Variants in UBE2D2 observed in about 807,000 individuals in gnomAD.
The protein encoded by UBE2D2 is ubiquitin-conjugating enzyme E2 D2.
Under a neutral mutation model 24.2 loss-of-function variants are expected in UBE2D2, and 2 were observed. That is an observed-to-expected ratio of 0.08 (90% CI 0.03 to 0.26). The LOEUF is 0.26. UBE2D2 is among the 10% of genes least tolerant of loss of function. The pLI is 1.00. For missense variants in UBE2D2, 44 were observed against 177.6 expected, an observed-to-expected ratio of 0.25 and a Z score of 4.28; for synonymous variants, 58 against 56.5, an observed-to-expected ratio of 1.03 and a Z score of -0.12.
intron 5 of UBE2D2, among the ~76,000 whole-genome samples, chr5:139,618,345 TA>T (rs1173301058): frequency 6.6e-6 from 1 of 152,164 alleles, no homozygotes; most frequent in African/African-American, 2.4e-5. Context: ...CAGGCAGAAA[TA>T]AAAACAGGAT....
At chr5:139,588,255 TTTTTGTTTTG>T (rs543515170) in intron 1 of UBE2D2, among the ~76,000 whole-genome samples, 6 of 151,740 alleles carry the variant, frequency 4.0e-5, no homozygotes, top group South Asian at 2.1e-4. Flanking sequence ...AGCGTTTTTT[TTTTTGTTTTG>T]TTTTGTTTTG....
chr5:139,562,705 CT>C (rs1753137582), intron 1 of UBE2D2, among the ~76,000 whole-genome samples: 1 of 152,116 alleles, frequency 6.6e-6, no homozygotes, highest in Non-Finnish European at 1.5e-5. Context: ...TTTCTTTGCT[CT>C]TTAAAGTGAA....
chr5:139,529,983 C>T (rs1331579439), intron 1 of UBE2D2, among the ~76,000 whole-genome samples: 2 of 152,124 alleles, frequency 1.3e-5, no homozygotes, highest in Admixed American at 1.3e-4. Context: ...GAATTCCCAG[C>T]CCAAAAGAAC....
chr5:139,535,306 A>AAG (rs1752654204), intron 1 of UBE2D2, among the ~76,000 whole-genome samples: 1 of 150,984 alleles, frequency 6.6e-6, no homozygotes, highest in Non-Finnish European at 1.5e-5. Flanking sequence ...AAAAAAAAAA[A>AAG]AGAGACTTGC....
intron 2 of UBE2D2, among the ~76,000 whole-genome samples, chr5:139,606,307 A>T (rs1323554702): frequency 2.0e-5 from 3 of 151,860 alleles, no homozygotes; most frequent in Non-Finnish European, 4.4e-5. Context: ...GATTACAGGC[A>T]TGCACCACCA....
At chr5:139,573,991 A>G (rs1311227504) in intron 1 of UBE2D2, among the ~76,000 whole-genome samples, 1 of 151,894 alleles carries the variant, frequency 6.6e-6, no homozygotes, top group African/African-American at 2.4e-5. Flanking sequence ...TAAATAAATA[A>G]TAAAAAATGT....
At chr5:139,556,538 T>C (rs79169656), upstream of UBE2D2, among the ~76,000 whole-genome samples, 70 of 152,268 alleles carry the variant, frequency 4.6e-4, 1 homozygote, top group East Asian at 0.012. Flanking sequence ...GACAAAATTT[T>C]GTTCTTTAGG....
At chr5:139,558,996 T>G (rs1375158214), upstream of UBE2D2, among the ~76,000 whole-genome samples, 2 of 152,054 alleles carry the variant, frequency 1.3e-5, no homozygotes, top group East Asian at 3.9e-4. Context: ...AGAGATGAAG[T>G]CTCTATATTG....
chr5:139,536,565 C>T (rs1262101656), intron 1 of UBE2D2, among the ~76,000 whole-genome samples: 1 of 151,960 alleles, frequency 6.6e-6, no homozygotes, highest in African/African-American at 2.4e-5. Context: ...CCTGTTGTCC[C>T]GGATGGTCTG....
intron 5 of UBE2D2, among the ~76,000 whole-genome samples, chr5:139,620,716 T>C (rs1314240394): frequency 6.6e-6 from 1 of 152,226 alleles, no homozygotes; most frequent in Non-Finnish European, 1.5e-5. Flanking sequence ...CTCTATAGGA[T>C]AGATTTGGTA....
chr5:139,588,027 C>A (rs773078755), intron 1 of UBE2D2, among the ~76,000 whole-genome samples: 1 of 152,172 alleles, frequency 6.6e-6, no homozygotes, highest in Admixed American at 6.6e-5. Context: ...AGTCCTGTCT[C>A]TCCATAGCTC....
At chr5:139,537,830 G>C (rs993269437) in intron 1 of UBE2D2, among the ~76,000 whole-genome samples, 1 of 151,730 alleles carries the variant, frequency 6.6e-6, no homozygotes, top group Non-Finnish European at 1.5e-5. Context: ...TGGGCGTGTT[G>C]GTGGGCACCT....
chr5:139,622,055 C>T (rs990792678), intron 5 of UBE2D2, among the ~76,000 whole-genome samples: 4 of 152,192 alleles, frequency 2.6e-5, no homozygotes, highest in South Asian at 2.1e-4. Flanking sequence ...ACATTGAACA[C>T]GTCACTGCAC....
chr5:139,539,783 TGTTGG>T (rs2126631538), intron 1 of UBE2D2, among the ~76,000 whole-genome samples: 1 of 150,250 alleles, frequency 6.7e-6, no homozygotes, highest in Non-Finnish European at 1.5e-5. Flanking sequence ...GTAGATATCG[TGTTGG>T]GTTTCGCCAT....
In UBE2D2 at chr5:139,614,780, T is replaced by G; in HGVS notation, c.198+6T>G. The stretch of plus-strand genomic sequence containing the variant: ...ACCCCTTCAAACCACCTAAGGTAAT[T>G]AATTGGAATGTGGCAGTTTTTAATG... On this transcript the variant is annotated splice_donor_region_variant and intron_variant, in intron 4 of 6. Transcript: ENST00000398733. 6.2e-7 allele frequency: 1 copy of G among 1,613,574 alleles called. No individual in the cohort carries two copies. The highest frequency in any genetic ancestry group is 8.5e-7 in the Non-Finnish European group (1 of 1,179,618).
chr5:139,581,039 C>T (rs190230938), intron 1 of UBE2D2, among the ~76,000 whole-genome samples: 3 of 152,214 alleles, frequency 2.0e-5, no homozygotes, highest in Admixed American at 2.0e-4. Context: ...GGGAAGGTCT[C>T]TAAGGGCAAT....
At chr5:139,615,992 C>T (rs1048448710) in intron 5 of UBE2D2, among the ~76,000 whole-genome samples, 5 of 150,988 alleles carry the variant, frequency 3.3e-5, no homozygotes, top group African/African-American at 9.7e-5. Context: ...CCCGCCACCA[C>T]GCCTAGCTAA....
chr5:139,576,625 C>G (rs1753476436), intron 1 of UBE2D2, among the ~76,000 whole-genome samples: 2 of 152,022 alleles, frequency 1.3e-5, no homozygotes, highest in African/African-American at 4.8e-5. Flanking sequence ...CCTCAGCCTT[C>G]CAAAGTGCTG....
intron 1 of UBE2D2, among the ~76,000 whole-genome samples, chr5:139,563,728 C>A (rs1052405836): frequency 6.6e-6 from 1 of 151,988 alleles, no homozygotes; most frequent in Non-Finnish European, 1.5e-5. Flanking sequence ...ATCAGGAGAT[C>A]GAGGCCATCC....
Sources: allele counts gnomAD v4.1 joint callset (sites outside exome capture counted in the v4.1 genomes callset), GRCh38; gene constraint gnomAD v4.1.1; transcripts MANE v1.5; gene names NCBI Gene and HGNC (gene_info 2026-07-23, HGNC 2026-07-21).